Variants in IPO11 observed in about 807,000 individuals in gnomAD.
The protein encoded by IPO11 is importin 11, also known as importin-11.
IPO11 carries 66 observed loss-of-function variants against 143.2 expected under a neutral mutation model. The ratio of observed to expected loss-of-function variants is 0.46; its 90% confidence interval spans 0.38 to 0.57. The LOEUF (loss-of-function observed/expected upper bound fraction) is 0.57. Ranked by LOEUF, IPO11 falls within the 20% of genes least tolerant of loss-of-function variation. IPO11 has a pLI of 0.00. For synonymous variants in IPO11, 385 were observed against 377.8 expected (o/e 1.02, Z -0.22); for missense variants, 1,026 against 1,141.0 (o/e 0.90, Z 1.45).
In IPO11 at chr5:62,530,024, G is replaced by A. The variant is rs145795482; in HGVS notation, c.2013-685G>A. ...CTTATAATGGCCTTTGTTGTACTAA[G>A]TTCATATTTATTAAGCATTTAGCAT... On this transcript the variant is annotated intron_variant, in intron 21 of 29. Transcript: ENST00000325324. Among the ~76,000 whole-genome samples, 33 of 152,228 alleles carry A rather than the reference G, an allele frequency of 2.2e-4. No homozygotes were observed. The East Asian group carries it at 5.2e-3, about 24-fold the overall frequency.
chr5:62,485,277 G>T, intron 11 of IPO11, 142 bp from the exon 12 acceptor site: 1 of 628,482 alleles, frequency 1.6e-6, no homozygotes, highest in Non-Finnish European at 2.8e-6. Context: ...AACAAAATCT[G>T]TGTAAGGCCT....
At chr5:62,418,326 T>G (rs1030297334) in intron 1 of IPO11, among the ~76,000 whole-genome samples, 1 of 152,098 alleles carries the variant, frequency 6.6e-6, no homozygotes, top group Non-Finnish European at 1.5e-5. Flanking sequence ...CCACCATGCC[T>G]GGCTAATTTT....
At chr5:62,431,981 G>T (rs150294295) in intron 1 of IPO11, among the ~76,000 whole-genome samples, 1 of 145,198 alleles carries the variant, frequency 6.9e-6, no homozygotes, top group African/African-American at 2.8e-5. Context: ...ACGGCATGCA[G>T]ACCTGTACCC....
chr5:62,473,787 A>G (rs1286136444), intron 7 of IPO11, among the ~76,000 whole-genome samples: 1 of 152,038 alleles, frequency 6.6e-6, no homozygotes, highest in Non-Finnish European at 1.5e-5. Context: ...TATTCCTGTT[A>G]ATTATTCAAA....
intron 24 of IPO11, among the ~76,000 whole-genome samples, chr5:62,544,689 T>C (rs1025478076): frequency 6.6e-6 from 1 of 152,218 alleles, no homozygotes; most frequent in Admixed American, 6.5e-5. Context: ...CATGATTGTA[T>C]ATTTAGAAAA....
intron 7 of IPO11, among the ~76,000 whole-genome samples, chr5:62,470,985 GC>G (rs1745753558): frequency 6.6e-6 from 1 of 151,342 alleles, no homozygotes; most frequent in Non-Finnish European, 1.5e-5. Flanking sequence ...GCACCACCAT[GC>G]CCAGCTAATT....
At chr5:62,516,398 A>G (rs1742022882) in intron 20 of IPO11, among the ~76,000 whole-genome samples, 1 of 152,122 alleles carries the variant, frequency 6.6e-6, no homozygotes, top group Admixed American at 6.5e-5. Context: ...GGTTCAAGCA[A>G]GTCTCCTGTC....
At chr5:62,625,136 T>G (rs553593297) in intron 29 of IPO11, among the ~76,000 whole-genome samples, 19 of 152,294 alleles carry the variant, frequency 1.2e-4, no homozygotes, top group African/African-American at 4.6e-4. Context: ...ATGAAAGATT[T>G]TGATTCACTA....
At position 62,506,358 on chromosome 5, in the gene IPO11, G is replaced by A; in HGVS notation, c.1782+1G>A. On this transcript the variant is annotated splice_donor_variant, in intron 19 of 29. Transcript: ENST00000325324. LOFTEE classifies it high-confidence loss of function. ...TGTGATCGAAAGAGTCAACATGCAG[G>A]TAATTATATTGTAAAACATGAAAAT... 1 of 1,357,356 alleles carries A rather than the reference G, an allele frequency of 7.4e-7. No homozygotes were observed. Among genetic ancestry groups the A allele is most frequent in the Non-Finnish European group, 1.0e-6 (1 of 961,026 alleles). 84.1% of individuals were successfully genotyped at this position (1,357,356 alleles called of 1,614,324 possible). A position where few individuals can be genotyped will look rare whatever the true frequency, so the allele number is the denominator to read the frequency against.
intron 16 of IPO11, among the ~76,000 whole-genome samples, chr5:62,498,409 A>G (rs1741231211): frequency 2.6e-5 from 4 of 152,186 alleles, no homozygotes; most frequent in Non-Finnish European, 5.9e-5. Context: ...GACAACTTCT[A>G]GGTTTTAGAA....
intron 24 of IPO11, among the ~76,000 whole-genome samples, chr5:62,543,681 T>C (rs796593057): frequency 6.6e-6 from 1 of 152,140 alleles, no homozygotes; most frequent in Non-Finnish European, 1.5e-5. Flanking sequence ...GTGTCTCTAT[T>C]TCCTTCAGTT....
chr5:62,415,967 A>G (rs1743282562), intron 1 of IPO11, among the ~76,000 whole-genome samples: 1 of 152,246 alleles, frequency 6.6e-6, no homozygotes, highest in South Asian at 2.1e-4. Context: ...CCGCCACAAC[A>G]AAATACCTTA....
intron 29 of IPO11, among the ~76,000 whole-genome samples, chr5:62,603,166 A>G (rs942501631): frequency 6.6e-6 from 1 of 152,208 alleles, no homozygotes; most frequent in African/African-American, 2.4e-5. Context: ...ACATCACCGA[A>G]CTTCTTAATA....
chr5:62,550,282 A>G, intron 24 of IPO11, 85 bp from the exon 25 acceptor site: 1 of 1,022,314 alleles, frequency 9.8e-7, no homozygotes, highest in Admixed American at 2.0e-5. Context: ...TGTGATACTT[A>G]TTTTAGTACA....
Position 62,513,414 on chromosome 5 carries a change from A to ACAC in IPO11, c.1783-1973_1783-1972insACC, listed in dbSNP as rs1554052717. 2.0e-4 allele frequency among the ~76,000 whole-genome samples: 10 copies of ACAC among 51,030 alleles called. No homozygotes were observed. The South Asian group carries it at 9.1e-3, about 46-fold the overall frequency. 33.5% of individuals were successfully genotyped at this position (51,030 alleles called of 152,430 possible). A position where few individuals can be genotyped will look rare whatever the true frequency, so the allele number is the denominator to read the frequency against. ...GGCGGCTGGCCGGGAGGGGGCGCTG[A>ACAC]CCCCCCCCCCACCTCCCTCCCGGAC... On this transcript the variant is annotated intron_variant, in intron 19 of 29. Transcript: ENST00000325324.
chr5:62,490,075 T>C (rs879211007), intron 14 of IPO11, 40 bp from the exon 15 acceptor site: 1 of 1,281,398 alleles, frequency 7.8e-7, no homozygotes, highest in Non-Finnish European at 1.1e-6. Context: ...AGATCTGATA[T>C]CTGAAACCTT....
At chr5:62,516,376 C>T (rs911702662) in intron 20 of IPO11, among the ~76,000 whole-genome samples, 1 of 152,154 alleles carries the variant, frequency 6.6e-6, no homozygotes, top group African/African-American at 2.4e-5. Context: ...TCACTGCAAC[C>T]TCCGTCTCCT....
intron 7 of IPO11, among the ~76,000 whole-genome samples, chr5:62,473,477 G>A (rs896193408): frequency 6.6e-6 from 1 of 152,120 alleles, no homozygotes; most frequent in Non-Finnish European, 1.5e-5. Flanking sequence ...ATTGTCTAAG[G>A]AAAATCTCAG....
chr5:62,422,180 G>A (rs184188151), intron 1 of IPO11, among the ~76,000 whole-genome samples: 145 of 152,172 alleles, frequency 9.5e-4, no homozygotes, highest in Non-Finnish European at 1.7e-3. Flanking sequence ...AGGCTGGAGT[G>A]CAGTGACACC....
Sources: gnomAD v4.1 joint callset for allele counts (sites outside exome capture counted in the v4.1 genomes callset) on GRCh38, gnomAD v4.1.1 for gene constraint, MANE v1.5 for transcripts, NCBI Gene and HGNC (gene_info 2026-07-23, HGNC 2026-07-21) for gene names.